The following SLC9A6 variants were observed in gnomAD, a reference collection of about 807,000 sequenced individuals.
The protein encoded by SLC9A6 is solute carrier family 9 member A6, also known as sodium/hydrogen exchanger 6.
In SLC9A6, 6 loss-of-function variants were observed where a neutral mutation model predicts 45.3. That is an observed-to-expected ratio of 0.13 (90% CI 0.07 to 0.26). The LOEUF (loss-of-function observed/expected upper bound fraction) is 0.26, where lower values mean the gene tolerates loss of function less well. Among genes scored for constraint, SLC9A6 ranks in the 10% least tolerant of loss-of-function variants. The pLI, the probability that SLC9A6 is intolerant of heterozygous loss-of-function variation, is 1.00. For synonymous variants in SLC9A6, 191 were observed against 187.7 expected (o/e 1.02, Z -0.14); for missense variants, 278 against 503.7 (o/e 0.55, Z 4.29).
At chrX:136,039,867 C>T (rs1165476625) in intron 16 of SLC9A6, among the ~76,000 whole-genome samples, 1 of 111,900 alleles carries the variant, frequency 8.9e-6, no homozygotes, top group Non-Finnish European at 1.9e-5. Flanking sequence ...CCTCTCTGAG[C>T]CTCAGTTTCC....
upstream of SLC9A6, chrX:135,974,614 A>G (rs188084578): frequency 1.7e-3 from 579 of 338,053 alleles, no homozygotes; most frequent in Non-Finnish European, 2.7e-3. Flanking sequence ...TTTTTGTGAA[A>G]CTGTGCCTTT....
Position 136,036,326 on chromosome X carries a change from G to A in SLC9A6, c.1661+2833G>A, listed in dbSNP as rs144895731. The stretch of plus-strand genomic sequence containing the variant: ...CCATTTAGATATCCTCTTTTGTGAA[G>A]TCTAAGTCTTTCGTCCATTGTTTAA... On this transcript the variant is annotated intron_variant, in intron 16 of 17. Transcript: ENST00000630721. Among the ~76,000 whole-genome samples the A allele has an allele frequency of 4.9e-3, 544 of 111,237 alleles. 3 individuals are homozygous for A. The highest frequency in any genetic ancestry group is 0.016 in the African/African-American group (482 of 30,656).
chrX:136,022,099 C>G (rs1203456397), intron 11 of SLC9A6, among the ~76,000 whole-genome samples: 3 of 111,565 alleles, frequency 2.7e-5, no homozygotes, highest in African/African-American at 9.8e-5. Context: ...ATTCAGCTGC[C>G]CTTTTCTTTG....
At chrX:136,014,982 TAGAA>T (rs1318923312) in intron 10 of SLC9A6, among the ~76,000 whole-genome samples, 1 of 112,088 alleles carries the variant, frequency 8.9e-6, no homozygotes, top group Admixed American at 9.4e-5. Context: ...ACAGTACCCT[TAGAA>T]GGATGGGGAA....
chrX:136,022,581 T>C lies in SLC9A6; in HGVS notation c.1195-5T>C, dbSNP rs782297936. ...AAATGATCCTTAACCTATTAATAATTTTAGGTTGCTATTTTCTTGGGAAGA... is the reference window on the plus strand; with the variant it reads ...AAATGATCCTTAACCTATTAATAATCTTAGGTTGCTATTTTCTTGGGAAGA... On this transcript the variant is annotated splice_polypyrimidine_tract_variant and splice_region_variant and intron_variant, in intron 11 of 17. Transcript: ENST00000630721. 9.0e-7 allele frequency: 1 copy of C among 1,105,455 alleles called. No homozygotes were observed. The highest frequency in any genetic ancestry group is 1.8e-5 in the South Asian group (1 of 54,749). 91.1% of individuals were successfully genotyped at this position (1,105,455 alleles called of 1,213,427 possible). A position where few individuals can be genotyped will look rare whatever the true frequency, so the allele number is the denominator to read the frequency against.
chrX:136,016,090 C>T (rs2071013794), intron 10 of SLC9A6, among the ~76,000 whole-genome samples: 1 of 111,144 alleles, frequency 9.0e-6, no homozygotes, highest in Admixed American at 9.6e-5. Flanking sequence ...ATCTGTAGGA[C>T]GCTTACTCCC....
intron 1 of SLC9A6, among the ~76,000 whole-genome samples, chrX:135,978,527 C>T (rs2089272892): frequency 9.1e-6 from 1 of 110,252 alleles, no homozygotes; most frequent in African/African-American, 3.3e-5. Context: ...TGGCGCATGC[C>T]AGTAATCCCA....
upstream of SLC9A6, among the ~76,000 whole-genome samples, chrX:135,981,237 G>A (rs1556613966): frequency 8.9e-6 from 1 of 111,814 alleles, no homozygotes; most frequent in African/African-American, 3.3e-5. Flanking sequence ...ATGGTGGAAG[G>A]CAAAGAGGAA....
intron 8 of SLC9A6, among the ~76,000 whole-genome samples, chrX:136,012,021 C>T (rs782441995): frequency 1.9e-4 from 21 of 112,385 alleles, no homozygotes; most frequent in African/African-American, 5.8e-4. Flanking sequence ...ACCCAGGAGG[C>T]GGAGCTTGCA....
intron 1 of SLC9A6, among the ~76,000 whole-genome samples, chrX:135,978,651 CAAAA>C (rs201997429): frequency 1.2e-5 from 1 of 81,107 alleles, no homozygotes; most frequent in Non-Finnish European, 2.4e-5. Flanking sequence ...GACTCCATCT[CAAAA>C]AAAAAAAAAA....
chrX:136,039,476 CA>C (rs1205377628), intron 16 of SLC9A6, among the ~76,000 whole-genome samples: 1 of 110,891 alleles, frequency 9.0e-6, no homozygotes, highest in African/African-American at 3.3e-5. Flanking sequence ...TAAAGGGCCT[CA>C]TGATACATAG....
At chrX:136,005,385 A>G (rs2089640973) in intron 7 of SLC9A6, among the ~76,000 whole-genome samples, 1 of 112,809 alleles carries the variant, frequency 8.9e-6, no homozygotes, top group South Asian at 3.6e-4. Context: ...AATAAATGCT[A>G]AAAAGAGAGA....
chrX:136,039,348 T>A (rs1225106370), intron 16 of SLC9A6, among the ~76,000 whole-genome samples: 1 of 111,281 alleles, frequency 9.0e-6, no homozygotes, highest in Non-Finnish European at 1.9e-5. Context: ...AATTTGTGTG[T>A]CTGTATCCTT....
chrX:136,031,676 TA>T (rs1275781532), intron 15 of SLC9A6, among the ~76,000 whole-genome samples: 2 of 104,760 alleles, frequency 1.9e-5, no homozygotes, highest in Admixed American at 1.0e-4. Context: ...AAAAACAAAA[TA>T]AAAAAAAAAC....
At chrX:136,023,172 TATATATATATATATA>T in intron 12 of SLC9A6, among the ~76,000 whole-genome samples, 1 of 3,255 alleles carries the variant, frequency 3.1e-4, no homozygotes, top group East Asian at 4.8e-3. Flanking sequence ...TGTATATATA[TATATATATATATATA>T]TATATATATA....
rs782544258 is a variant in SLC9A6 at position 136,021,282 on chromosome X, C to T, written c.1195-1304C>T. 3.6e-5 allele frequency among the ~76,000 whole-genome samples: 4 copies of T among 111,430 alleles called. No homozygotes were observed. The South Asian group carries it at 1.5e-3, about 42-fold the overall frequency. ...TCATTACCACATGGATGATTCTGGC[C>T]TCCTCCTCTTTCTGAACTGTAAACT... On this transcript the variant is annotated intron_variant, in intron 11 of 17. Coordinates refer to ENST00000630721, the MANE Select transcript of SLC9A6 (RefSeq NM_001379110.1).
rs782501407 is a variant in SLC9A6 at position 136,016,707 on chromosome X, G to A, written c.1143G>A (p.Leu381=). 22 of 1,196,974 alleles carry A rather than the reference G, an allele frequency of 1.8e-5. No homozygotes were observed. The highest frequency in any genetic ancestry group is 2.4e-5 in the Non-Finnish European group (21 of 882,423). The change falls in exon 11 of 18, where the codon CTG becomes CTA. Residue 381 remains leucine, a synonymous_variant. Coordinates refer to ENST00000630721, the MANE Select transcript of SLC9A6 (RefSeq NM_001379110.1). ...TCTTCTCCTACATGGGGCTGACACT[G>A]TTCACCTTCCAGAACCATGTCTTTA... ...NFIFSYMGLT[L]FTFQNHVFNP... is the part of the protein sequence containing the mutation.
chrX:136,022,460 A>G, intron 11 of SLC9A6, 126 bp from the exon 12 acceptor site: 1 of 417,839 alleles, frequency 2.4e-6, no homozygotes, highest in Non-Finnish European at 4.3e-6. Context: ...TATGTTAGAC[A>G]ATGGAACCAA....
intron 13 of SLC9A6, among the ~76,000 whole-genome samples, chrX:136,028,177 G>A (rs2071261399): frequency 8.9e-6 from 1 of 112,238 alleles, no homozygotes; most frequent in Non-Finnish European, 1.9e-5. Context: ...TAGTGTTAAT[G>A]TTTCAGATAC....
Sources: gnomAD v4.1 joint callset for allele counts (sites outside exome capture counted in the v4.1 genomes callset) on GRCh38, gnomAD v4.1.1 for gene constraint, MANE v1.5 for transcripts, NCBI Gene and HGNC (gene_info 2026-07-23, HGNC 2026-07-21) for gene names.